YWHAE: variants seen among roughly 807,000 people sequenced by gnomAD.
YWHAE encodes the protein tyrosine 3-monooxygenase/tryptophan 5-monooxygenase activation protein epsilon.
YWHAE carries 4 observed loss-of-function variants against 30.1 expected under a neutral mutation model. That is an observed-to-expected ratio of 0.13 (90% CI 0.07 to 0.30). YWHAE has a LOEUF of 0.30. YWHAE is among the 10% of genes least tolerant of loss of function. YWHAE has a pLI of 1.00. For synonymous variants in YWHAE, 118 were observed against 111.8 expected, an observed-to-expected ratio of 1.06 and a Z score of -0.35; for missense variants, 121 against 315.9, an observed-to-expected ratio of 0.38 and a Z score of 4.68.
At chr17:1,371,494 A>C (rs1273076626) in intron 1 of YWHAE, among the ~76,000 whole-genome samples, 1 of 152,142 alleles carries the variant, frequency 6.6e-6, no homozygotes, top group Non-Finnish European at 1.5e-5. Context: ...CTGTAAACAT[A>C]AGTGCTGTCT....
Position 1,344,444 on chromosome 17 carries a change from AAGG to A in YWHAE, c.*1000_*1002del, listed in dbSNP as rs1001030792. 4 of 182,156 alleles carry A rather than the reference AAGG, an allele frequency of 2.2e-5. No individual in the cohort carries two copies. Among genetic ancestry groups the A allele is most frequent in the African/African-American group, 7.1e-5 (3 of 42,484 alleles). 11.3% of individuals were successfully genotyped at this position (182,156 alleles called of 1,614,324 possible). On this transcript the variant is annotated 3_prime_UTR_variant, in exon 6 of 6. Coordinates refer to ENST00000264335, the MANE Select transcript of YWHAE (RefSeq NM_006761.5). Reference sequence around the variant, plus strand: ...CAAACAAATTATTTATGGAAGAAAAAAGGAGGAATGTTTCACATTCAGGCAAAC... The same window carrying A: ...CAAACAAATTATTTATGGAAGAAAAAAGGAATGTTTCACATTCAGGCAAAC...
intron 4 of YWHAE, among the ~76,000 whole-genome samples, chr17:1,356,909 C>T (rs2150844742): frequency 6.6e-6 from 1 of 151,894 alleles, no homozygotes; most frequent in South Asian, 2.1e-4. Flanking sequence ...CTTTGAAAGG[C>T]TTTCACTTAA....
At chr17:1,347,739 G>T (rs1356994269) in intron 5 of YWHAE, among the ~76,000 whole-genome samples, 2 of 152,164 alleles carry the variant, frequency 1.3e-5, no homozygotes, top group Non-Finnish European at 2.9e-5. Flanking sequence ...GCAACCATGA[G>T]ATGTGCCAGA....
At chr17:1,358,317 G>GC (rs1420362299) in intron 4 of YWHAE, among the ~76,000 whole-genome samples, 1 of 152,060 alleles carries the variant, frequency 6.6e-6, no homozygotes, top group Non-Finnish European at 1.5e-5. Flanking sequence ...TTGGCTCACT[G>GC]CAAGTTCCGC....
chr17:1,399,918 T>C (rs983464323), intron 1 of YWHAE, 129 bp downstream of exon 1: 2 of 1,151,098 alleles, frequency 1.7e-6, no homozygotes, highest in African/African-American at 3.0e-5. Flanking sequence ...GGCCATTTCC[T>C]GCTTCCCGAA....
At chr17:1,356,170 A>AG (rs1567958981) in intron 4 of YWHAE, among the ~76,000 whole-genome samples, 1 of 116,686 alleles carries the variant, frequency 8.6e-6, no homozygotes, top group Non-Finnish European at 1.7e-5. Context: ...CTCCGTCTAA[A>AG]AACACACACA....
At chr17:1,366,396 C>T (rs1385411340) in intron 1 of YWHAE, among the ~76,000 whole-genome samples, 5 of 150,172 alleles carry the variant, frequency 3.3e-5, no homozygotes, top group Admixed American at 2.7e-4. Context: ...AAATTAGCTG[C>T]GTTTGGTGGT....
At chr17:1,376,982 A>G (rs918499385) in intron 1 of YWHAE, among the ~76,000 whole-genome samples, 3 of 150,234 alleles carry the variant, frequency 2.0e-5, no homozygotes, top group African/African-American at 4.9e-5. Flanking sequence ...GCTGAAGTGC[A>G]ATCTCACTGC....
chr17:1,392,005 G>A (rs993116708), intron 1 of YWHAE, among the ~76,000 whole-genome samples: 1 of 151,912 alleles, frequency 6.6e-6, no homozygotes, highest in Admixed American at 6.6e-5. Flanking sequence ...TCTTGAGCTC[G>A]AGTTCAAGAC....
At chr17:1,372,945 A>C (rs922542384) in intron 1 of YWHAE, among the ~76,000 whole-genome samples, 2 of 152,036 alleles carry the variant, frequency 1.3e-5, no homozygotes, top group African/African-American at 4.8e-5. Context: ...CCAAAAATTA[A>C]TAGTAAAAGA....
At position 1,363,302 on chromosome 17, in the gene YWHAE, C is replaced by T. The variant is rs534339796; in HGVS notation, c.265-1294G>A. ...TTGATTCAGAGTTTCCCTCTTGTTGCCAAGGCTGGATGGAGTGCAGTGGCT... is the reference window on the plus strand; with the variant it reads ...TTGATTCAGAGTTTCCCTCTTGTTGTCAAGGCTGGATGGAGTGCAGTGGCT... On this transcript the variant is annotated intron_variant, in intron 2 of 5. Coordinates refer to ENST00000264335, the MANE Select transcript of YWHAE (RefSeq NM_006761.5). Among the ~76,000 whole-genome samples the T allele has an allele frequency of 2.0e-5, 3 of 152,206 alleles. No individual in the cohort carries two copies. In the South Asian group the frequency reaches 6.2e-4, roughly 32 times the overall value.
At chr17:1,370,514 T>G (rs2073022900) in intron 1 of YWHAE, among the ~76,000 whole-genome samples, 2 of 151,916 alleles carry the variant, frequency 1.3e-5, no homozygotes, top group South Asian at 4.1e-4. Context: ...CACTGCAGCC[T>G]CTGCCTCCAG....
chr17:1,388,770 T>C (rs1316424154), intron 1 of YWHAE, among the ~76,000 whole-genome samples: 1 of 152,124 alleles, frequency 6.6e-6, no homozygotes, highest in Non-Finnish European at 1.5e-5. Context: ...AAGTAGTATA[T>C]TCTGCATTAA....
intron 1 of YWHAE, among the ~76,000 whole-genome samples, chr17:1,392,519 G>C (rs974865548): frequency 6.6e-5 from 10 of 152,128 alleles, no homozygotes; most frequent in Non-Finnish European, 1.3e-4. Context: ...CAACACTGGT[G>C]AATCATATGC....
intron 5 of YWHAE, among the ~76,000 whole-genome samples, chr17:1,352,644 G>C (rs1009659411): frequency 6.6e-6 from 1 of 151,856 alleles, no homozygotes; most frequent in Non-Finnish European, 1.5e-5. Flanking sequence ...TCCGGCCTCA[G>C]CCTCCTGAGT....
At chr17:1,382,340 G>A (rs2073225252) in intron 1 of YWHAE, among the ~76,000 whole-genome samples, 1 of 140,264 alleles carries the variant, frequency 7.1e-6, no homozygotes, top group African/African-American at 2.7e-5. Flanking sequence ...GAGCCACCGC[G>A]CCCGGCCTTT....
intron 4 of YWHAE, among the ~76,000 whole-genome samples, chr17:1,358,120 G>T (rs1176345297): frequency 6.6e-6 from 1 of 152,120 alleles, no homozygotes. Context: ...CTGGTGCAGT[G>T]GCTCAGGCCT....
chr17:1,370,336 T>TGC (rs2073017151), intron 1 of YWHAE, among the ~76,000 whole-genome samples: 1 of 151,886 alleles, frequency 6.6e-6, no homozygotes, highest in Non-Finnish European at 1.5e-5. Context: ...TTTCACCATG[T>TGC]TAGCCAGGAC....
chr17:1,353,982 T>C (rs1254125023), intron 5 of YWHAE, among the ~76,000 whole-genome samples: 3 of 152,202 alleles, frequency 2.0e-5, no homozygotes, highest in African/African-American at 7.2e-5. Flanking sequence ...CCACTCCTCC[T>C]GTCCTCAACC....
Sources: gnomAD v4.1 joint callset for allele counts (sites outside exome capture counted in the v4.1 genomes callset) on GRCh38, gnomAD v4.1.1 for gene constraint, MANE v1.5 for transcripts, NCBI Gene and HGNC (gene_info 2026-07-23, HGNC 2026-07-21) for gene names.